Variants in SLC5A7 observed in about 807,000 individuals in gnomAD.
SLC5A7 encodes the protein solute carrier family 5 member 7.
In SLC5A7, 19 loss-of-function variants were observed where a neutral mutation model predicts 55.4. That is an observed-to-expected ratio of 0.34 (90% CI 0.24 to 0.50). The LOEUF is 0.50. Among genes scored for constraint, SLC5A7 ranks in the 20% least tolerant of loss-of-function variants. The pLI, the probability that SLC5A7 is intolerant of heterozygous loss-of-function variation, is 0.98. For synonymous variants in SLC5A7, 265 were observed against 263.7 expected, an observed-to-expected ratio of 1.00 and a Z score of -0.05; for missense variants, 506 against 705.3, an observed-to-expected ratio of 0.72 and a Z score of 3.20.
Position 108,010,310 on chromosome 2 carries a change from C to G in SLC5A7, c.1192C>G (p.Leu398Val). ...AGCATCTGCAACAGCCATGGCCTTG[C>G]TGACGAAAACTGTGTATGGGCTCTG... ...FGASATAMAL[L>V]TKTVYGLWYL... The change falls in exon 9 of 9, where the codon CTG becomes GTG. Residue 398 changes from leucine (L) to valine (V), a missense_variant. Coordinates refer to ENST00000264047, the MANE Select transcript of SLC5A7 (RefSeq NM_021815.5). The G allele has an allele frequency of 6.2e-7, 1 of 1,613,960 alleles. No homozygotes were observed. The highest frequency in any genetic ancestry group is 8.5e-7 in the Non-Finnish European group (1 of 1,179,922).
chr2:108,001,509 TA>T (rs1265993714), intron 5 of SLC5A7, among the ~76,000 whole-genome samples: 1 of 150,858 alleles, frequency 6.6e-6, no homozygotes, highest in Non-Finnish European at 1.5e-5. Flanking sequence ...CCGTCTCTAC[TA>T]AAAATACAAA....
chr2:107,987,801 G>A (rs972289606), intron 1 of SLC5A7, among the ~76,000 whole-genome samples: 3 of 151,998 alleles, frequency 2.0e-5, no homozygotes, highest in African/African-American at 7.3e-5. Flanking sequence ...AGATATACAC[G>A]ACAAGGTTAA....
rs1286234585 is a variant in SLC5A7 at position 107,993,036 on chromosome 2, G to A, written c.357G>A (p.Gln119=). 1.9e-6 allele frequency: 3 copies of A among 1,614,212 alleles called. No homozygotes were observed. In the South Asian group the frequency reaches 3.3e-5, roughly 18 times the overall value. The change falls in exon 4 of 9, where the codon CAG becomes CAA. Residue 119 remains glutamine, a synonymous_variant. Transcript: ENST00000264047. ...ATGTGACCATGTTAGACCCGTTTCA[G>A]CAAATCTATGGAAAACGCATGGGCG... ...KGYVTMLDPF[Q]QIYGKRMGGL...
At chr2:108,001,227 G>A (rs915439838) in intron 5 of SLC5A7, among the ~76,000 whole-genome samples, 1 of 151,914 alleles carries the variant, frequency 6.6e-6, no homozygotes, top group Non-Finnish European at 1.5e-5. Context: ...GTGTGTGTGT[G>A]TAGATAGACA....
rs141353878 is a variant in SLC5A7 at position 108,012,507 on chromosome 2, T to G, written c.*1646T>G. The G allele has an allele frequency of 6.6e-6, 1 of 152,160 alleles. No homozygotes were observed. The highest frequency in any genetic ancestry group is 2.4e-5 in the African/African-American group (1 of 41,452). The allele number at this position is 152,160 out of a possible 1,614,324, so 9.4% of individuals were successfully genotyped here. On this transcript the variant is annotated 3_prime_UTR_variant, in exon 9 of 9. Coordinates refer to ENST00000264047, the MANE Select transcript of SLC5A7 (RefSeq NM_021815.5). ...CAAAGCATCAAATAATACATCTTTA[T>G]CATTAAACATGAATTTAATGTCTAG... is the stretch of plus-strand genomic sequence containing the variant.
chr2:108,002,116 C>G (rs759479412), intron 6 of SLC5A7, 76 bp downstream of exon 6: 11 of 1,532,744 alleles, frequency 7.2e-6, no homozygotes, highest in Non-Finnish European at 9.7e-6. Context: ...TTTTCATATT[C>G]ATAGTAAAAA....
rs910404315 is a variant in SLC5A7 at position 108,009,066 on chromosome 2, C to T, written c.1113+384C>T. Among the ~76,000 whole-genome samples, 16 of 151,804 alleles carry T rather than the reference C, an allele frequency of 1.1e-4. 1 individual carries two copies. Among genetic ancestry groups the T allele is most frequent in the Admixed American group, 5.3e-4 (8 of 15,224 alleles). ...TGGAAGCAGGGCATGGTAAGTTGTT[C>T]GACACGTATTTTTGTAACTTCTGAA... On this transcript the variant is annotated intron_variant, in intron 8 of 8. Coordinates refer to ENST00000264047, the MANE Select transcript of SLC5A7 (RefSeq NM_021815.5).
intron 6 of SLC5A7, among the ~76,000 whole-genome samples, 189 bp from the exon 7 acceptor site, chr2:108,005,860 G>A (rs948978494): frequency 4.6e-5 from 7 of 152,170 alleles, no homozygotes; most frequent in African/African-American, 1.7e-4. Flanking sequence ...TTCAATGTAT[G>A]AATTTAGGGG....
intron 6 of SLC5A7, among the ~76,000 whole-genome samples, chr2:108,003,347 C>T (rs192352336): frequency 5.3e-4 from 80 of 152,310 alleles, no homozygotes; most frequent in African/African-American, 1.9e-3. Flanking sequence ...CCCTACAGCA[C>T]ACTTTAGTCT....
At chr2:107,999,979 T>A (rs1677820618) in intron 5 of SLC5A7, among the ~76,000 whole-genome samples, 1 of 152,246 alleles carries the variant, frequency 6.6e-6, no homozygotes, top group African/African-American at 2.4e-5. Flanking sequence ...TAAATTCCAC[T>A]GAAAACTTTT....
At chr2:107,998,969 T>A (rs747212718) in intron 5 of SLC5A7, among the ~76,000 whole-genome samples, 15 of 152,246 alleles carry the variant, frequency 9.9e-5, no homozygotes, top group Non-Finnish European at 2.1e-4. Context: ...TCTCTCCTTT[T>A]TATAAACTTT....
intron 6 of SLC5A7, among the ~76,000 whole-genome samples, chr2:108,004,121 G>T (rs1678018615): frequency 6.6e-6 from 1 of 152,134 alleles, no homozygotes; most frequent in African/African-American, 2.4e-5. Flanking sequence ...ATTTTAGGAG[G>T]ACAAATATTC....
rs933428138 is a variant in SLC5A7 at position 108,010,955 on chromosome 2, A to G, written c.*94A>G. ...TGCAGCATACAAAAATATATTAAAA[A>G]TATAAACAATGTTCAGGAGAGTAAA... is the stretch of plus-strand genomic sequence containing the variant. On this transcript the variant is annotated 3_prime_UTR_variant, in exon 9 of 9. Coordinates refer to ENST00000264047, the MANE Select transcript of SLC5A7 (RefSeq NM_021815.5). 4 of 1,282,222 alleles carry G rather than the reference A, an allele frequency of 3.1e-6. No individual in the cohort carries two copies. Among genetic ancestry groups the G allele is most frequent in the Admixed American group, 5.8e-5 (2 of 34,440 alleles). 79.4% of individuals were successfully genotyped at this position (1,282,222 alleles called of 1,614,324 possible).
chr2:107,997,704 A>G (rs1255845658), intron 4 of SLC5A7, 134 bp from the exon 5 acceptor site: 2 of 770,214 alleles, frequency 2.6e-6, no homozygotes, highest in Non-Finnish European at 3.8e-6. Context: ...AATTAACTTT[A>G]GGTGTTTTCA....
chr2:107,998,209 AAGGTCT>A (rs1484454722), intron 5 of SLC5A7, among the ~76,000 whole-genome samples: 1 of 152,176 alleles, frequency 6.6e-6, no homozygotes, highest in African/African-American at 2.4e-5. Context: ...GACTGTTAGA[AAGGTCT>A]AGGTCTTGCT....
chr2:107,989,454 T>C (rs1437731350), intron 2 of SLC5A7, among the ~76,000 whole-genome samples: 1 of 152,232 alleles, frequency 6.6e-6, no homozygotes, highest in Admixed American at 6.5e-5. Flanking sequence ...CAGTTTTATC[T>C]TTCAGACATT....
At position 108,013,052 on chromosome 2, in the gene SLC5A7, A is replaced by G. The variant is rs187108393; in HGVS notation, c.*2191A>G. On this transcript the variant is annotated 3_prime_UTR_variant, in exon 9 of 9. Transcript: ENST00000264047. The stretch of plus-strand genomic sequence containing the variant: ...CTGTCATATAATGCAACAGGGAGGC[A>G]TAGTCTCTCTACAGGTCTCTCTCTT... 6.6e-6 allele frequency: 1 copy of G among 152,194 alleles called. No homozygotes were observed. The highest frequency in any genetic ancestry group is 6.5e-5 in the Admixed American group (1 of 15,284). The allele number at this position is 152,194 out of a possible 1,614,324, so 9.4% of individuals were successfully genotyped here.
intron 4 of SLC5A7, among the ~76,000 whole-genome samples, chr2:107,996,401 A>G (rs1677672521): frequency 6.6e-6 from 1 of 152,134 alleles, no homozygotes; most frequent in South Asian, 2.1e-4. Context: ...ATAGCAAAAC[A>G]CTGAAAAATA....
chr2:107,987,974 C>G (rs1013003199), intron 1 of SLC5A7, 131 bp from the exon 2 acceptor site: 3 of 461,610 alleles, frequency 6.5e-6, no homozygotes, highest in Admixed American at 3.6e-5. Flanking sequence ...GCCCGTTTCA[C>G]GTGTGGTTTC....
Sources: gnomAD v4.1 joint callset for allele counts (sites outside exome capture counted in the v4.1 genomes callset) on GRCh38, gnomAD v4.1.1 for gene constraint, MANE v1.5 for transcripts, NCBI Gene and HGNC (gene_info 2026-07-23, HGNC 2026-07-21) for gene names.